The following LRRC72 variants were observed in gnomAD, a reference collection of about 807,000 sequenced individuals.
The protein encoded by LRRC72 is leucine-rich repeat-containing protein 72.
In LRRC72, 41 loss-of-function variants were observed where a neutral mutation model predicts 35.8. The ratio of observed to expected loss-of-function variants is 1.15; its 90% confidence interval spans 0.89 to 1.49. LRRC72 has a LOEUF of 1.49. Ranked by LOEUF, LRRC72 falls within the 40% of genes most tolerant of loss-of-function variation. LRRC72 has a pLI of 0.00. For missense variants in LRRC72, 389 were observed against 330.7 expected (o/e 1.18, Z -1.37); for synonymous variants, 118 against 119.2 (o/e 0.99, Z 0.07).
At chr7:16,537,494 G>T in intron 2 of LRRC72, 133 bp from the exon 3 acceptor site, 1 of 477,052 alleles carries the variant, frequency 2.1e-6, no homozygotes, top group Non-Finnish European at 3.8e-6. Context: ...ATAAGCAGGT[G>T]AGTGTGCCAA....
intron 3 of LRRC72, among the ~76,000 whole-genome samples, chr7:16,555,647 C>T (rs1782637909): frequency 6.6e-6 from 1 of 152,122 alleles, no homozygotes; most frequent in Admixed American, 6.5e-5. Flanking sequence ...CGGCATGTGC[C>T]TGTAGTCCCA....
Position 16,526,908 on chromosome 7 carries a change from C to A in LRRC72, c.-45C>A, listed in dbSNP as rs1382440994. The A allele has an allele frequency of 6.8e-7, 1 of 1,480,800 alleles. No homozygotes were observed. Among genetic ancestry groups the A allele is most frequent in the Admixed American group, 2.0e-5 (1 of 50,738 alleles). 91.7% of individuals were successfully genotyped at this position (1,480,800 alleles called of 1,614,324 possible). On this transcript the variant is annotated 5_prime_UTR_variant, in exon 1 of 9. Transcript: ENST00000401542. ...GTCTCTCTTCGGTGCCACCGGCGGG[C>A]GAGGCCGGATTAATCACCGCTGCTT...
rs192900866 is a variant in LRRC72 at position 16,532,291 on chromosome 7, C to G, written c.91-204C>G. Among the ~76,000 whole-genome samples the G allele has an allele frequency of 5.3e-3, 809 of 151,930 alleles. 14 individuals are homozygous for G. Among genetic ancestry groups the G allele is most frequent in the Middle Eastern group, 0.041 (12 of 294 alleles). ...TTAAAAATTATTTAAACATCTGTGC[C>G]CAGGATTAAGGATAATGAAATTCAA... On this transcript the variant is annotated intron_variant, in intron 1 of 8. Transcript: ENST00000401542.
Position 16,526,945 on chromosome 7 carries a change from G to T in LRRC72, c.-8G>T. On this transcript the variant is annotated 5_prime_UTR_variant, in exon 1 of 9. The change abolishes an upstream ATG in the 5' untranslated region. Coordinates refer to ENST00000401542, the MANE Select transcript of LRRC72 (RefSeq NM_001195280.2). ...AATCACCGCTGCTTCGGCCGCCCAT[G>T]TGTCCTGATGTCCTGGGACCCGAAC... 1 of 1,539,108 alleles carries T rather than the reference G, an allele frequency of 6.5e-7. No homozygotes were observed.
chr7:16,538,240 C>T (rs533492117), intron 3 of LRRC72, among the ~76,000 whole-genome samples: 50 of 152,304 alleles, frequency 3.3e-4, no homozygotes, highest in African/African-American at 1.1e-3. Context: ...TCCTTCTTAT[C>T]TCCACTTCAG....
chr7:16,535,163 T>C (rs542377738), intron 2 of LRRC72, among the ~76,000 whole-genome samples: 120 of 152,244 alleles, frequency 7.9e-4, no homozygotes, highest in African/African-American at 2.8e-3. Context: ...TACTCCAGCC[T>C]GGGCAACAGA....
Position 16,550,323 on chromosome 7 carries a change from C to T in LRRC72, c.235-7037C>T, listed in dbSNP as rs147351145. Reference sequence around the variant, plus strand: ...GGCAAATCACATAATATCTCTAAATCGATGTTCTTCTTAGACAATATGGGG... The same window carrying T: ...GGCAAATCACATAATATCTCTAAATTGATGTTCTTCTTAGACAATATGGGG... On this transcript the variant is annotated intron_variant, in intron 3 of 8. Transcript: ENST00000401542. 2.9e-3 allele frequency among the ~76,000 whole-genome samples: 438 copies of T among 152,294 alleles called. 3 individuals carry two copies. Among genetic ancestry groups the T allele is most frequent in the Non-Finnish European group, 4.6e-3 (310 of 68,014 alleles).
chr7:16,542,176 T>A (rs1782368974), intron 3 of LRRC72, among the ~76,000 whole-genome samples: 1 of 152,172 alleles, frequency 6.6e-6, no homozygotes, highest in African/African-American at 2.4e-5. Context: ...TTTCTGGGAA[T>A]GGATATCATC....
intron 3 of LRRC72, among the ~76,000 whole-genome samples, chr7:16,547,316 G>T (rs1249624199): frequency 6.6e-6 from 1 of 152,284 alleles, no homozygotes; most frequent in African/African-American, 2.4e-5. Context: ...GGAGTGGGGG[G>T]CAGAGAGGAG....
At chr7:16,576,770 C>T (rs1451397986) in intron 7 of LRRC72, among the ~76,000 whole-genome samples, 1 of 152,178 alleles carries the variant, frequency 6.6e-6, no homozygotes. Flanking sequence ...AAAAGTGAAG[C>T]TGCCAGATTT....
intron 3 of LRRC72, among the ~76,000 whole-genome samples, chr7:16,556,403 A>C (rs981718899): frequency 2.0e-5 from 3 of 152,158 alleles, no homozygotes; most frequent in African/African-American, 7.2e-5. Context: ...TGGTCAAGAA[A>C]ATGGAGGTTC....
At chr7:16,562,687 T>C (rs1782763929) in intron 5 of LRRC72, among the ~76,000 whole-genome samples, 1 of 152,174 alleles carries the variant, frequency 6.6e-6, no homozygotes, top group African/African-American at 2.4e-5. Context: ...GCAGAGGGAT[T>C]CTGGGATACG....
chr7:16,569,979 G>A (rs1011539491), intron 7 of LRRC72, among the ~76,000 whole-genome samples: 4 of 151,252 alleles, frequency 2.6e-5, no homozygotes, highest in East Asian at 3.9e-4. Context: ...GCAGCGAGCC[G>A]AGATCACGCC....
At chr7:16,540,886 C>A (rs1253240357) in intron 3 of LRRC72, among the ~76,000 whole-genome samples, 2 of 152,126 alleles carry the variant, frequency 1.3e-5, no homozygotes, top group African/African-American at 2.4e-5. Context: ...ATAAATGACC[C>A]AGTCTTGGGT....
At chr7:16,538,429 G>T (rs1782301113) in intron 3 of LRRC72, among the ~76,000 whole-genome samples, 1 of 152,142 alleles carries the variant, frequency 6.6e-6, no homozygotes, top group Non-Finnish European at 1.5e-5. Context: ...CCTCTTCACT[G>T]GCCACTCCTG....
intron 3 of LRRC72, among the ~76,000 whole-genome samples, chr7:16,548,126 G>C (rs1340336966): frequency 6.6e-6 from 1 of 152,244 alleles, no homozygotes; most frequent in African/African-American, 2.4e-5. Context: ...TCTGCTGAGA[G>C]CTGGACACTT....
chr7:16,546,784 A>G (rs1463413416), intron 3 of LRRC72, among the ~76,000 whole-genome samples: 2 of 152,030 alleles, frequency 1.3e-5, no homozygotes, highest in African/African-American at 4.8e-5. Context: ...CAAATATTGC[A>G]GTGGCCCTCT....
At chr7:16,563,861 T>C (rs1782782879) in intron 5 of LRRC72, among the ~76,000 whole-genome samples, 1 of 152,184 alleles carries the variant, frequency 6.6e-6, no homozygotes, top group African/African-American at 2.4e-5. Flanking sequence ...TGTCATTCAG[T>C]TTTTACTTTA....
Position 16,581,306 on chromosome 7 carries a change from A to G in LRRC72, c.699-18A>G, listed in dbSNP as rs2128339731. 1 of 1,416,544 alleles carries G rather than the reference A, an allele frequency of 7.1e-7. No individual in the cohort carries two copies. The highest frequency in any genetic ancestry group is 9.3e-7 in the Non-Finnish European group (1 of 1,077,626). 87.7% of individuals were successfully genotyped at this position (1,416,544 alleles called of 1,614,324 possible). On this transcript the variant is annotated intron_variant, in intron 8 of 8. Transcript: ENST00000401542. The stretch of plus-strand genomic sequence containing the variant: ...TTTTGATTGCTTTTTTTCTGACATA[A>G]TTGCTTTTTTTTTGCAGAACTGTGC...
Sources: allele counts gnomAD v4.1 joint callset (sites outside exome capture counted in the v4.1 genomes callset), GRCh38; gene constraint gnomAD v4.1.1; transcripts MANE v1.5; gene names NCBI Gene and HGNC (gene_info 2026-07-23, HGNC 2026-07-21).